TEX36: variants seen among roughly 807,000 people sequenced by gnomAD.
The protein encoded by TEX36 is testis-expressed protein 36.
A neutral mutation model predicts 13.6 loss-of-function variants in TEX36; 12 were observed. That is an observed-to-expected ratio of 0.88 (90% confidence interval 0.56 to 1.43). TEX36 has a LOEUF of 1.43. TEX36 is among the 40% of genes most tolerant of loss of function. The pLI, the probability that TEX36 is intolerant of heterozygous loss-of-function variation, is 0.00. For missense variants in TEX36, 224 were observed against 228.3 expected (o/e 0.98, Z 0.12); for synonymous variants, 93 against 83.0 (o/e 1.12, Z -0.65).
chr10:125,660,323 C>T lies in TEX36; in HGVS notation c.264+698G>A, dbSNP rs371550546. ...AATGTTTTGTAGACACGGGGTCTTA[C>T]TATGTAGCCCAGGCTGGTCTCAAGC... is the stretch of plus-strand genomic sequence containing the variant. On this transcript the variant is annotated intron_variant, in intron 3 of 3. Coordinates refer to ENST00000368821, the MANE Select transcript of TEX36 (RefSeq NM_001128202.3). 2.1e-3 allele frequency among the ~76,000 whole-genome samples: 321 copies of T among 152,204 alleles called. 1 individual carries two copies. Among genetic ancestry groups the T allele is most frequent in the African/African-American group, 7.5e-3 (312 of 41,532 alleles).
At chr10:125,583,705 T>C (rs191245272) in intron 3 of TEX36, among the ~76,000 whole-genome samples, 3 of 152,358 alleles carry the variant, frequency 2.0e-5, no homozygotes, top group Non-Finnish European at 2.9e-5. Flanking sequence ...AATGTTTTCC[T>C]TCAAGTCCAA....
intron 3 of TEX36, among the ~76,000 whole-genome samples, chr10:125,598,371 C>A (rs1846107037): frequency 6.6e-6 from 1 of 152,098 alleles, no homozygotes; most frequent in African/African-American, 2.4e-5. Context: ...TGATGGTAAC[C>A]CTGTCTGGGT....
At chr10:125,594,077 C>G (rs1160237614) in intron 3 of TEX36, among the ~76,000 whole-genome samples, 6 of 152,156 alleles carry the variant, frequency 3.9e-5, no homozygotes, top group Non-Finnish European at 4.4e-5. Context: ...GCTAGAGTCA[C>G]AAGCAACCTC....
At chr10:125,613,779 C>T (rs898283273) in intron 3 of TEX36, among the ~76,000 whole-genome samples, 1 of 152,050 alleles carries the variant, frequency 6.6e-6, no homozygotes, top group Admixed American at 6.6e-5. Flanking sequence ...GATTTATAGT[C>T]CTTTGGGTAT....
At chr10:125,618,964 A>AT, downstream of TEX36, among the ~76,000 whole-genome samples, 1 of 146,282 alleles carries the variant, frequency 6.8e-6, no homozygotes, top group Non-Finnish European at 1.5e-5. Context: ...AAAAAAAAAA[A>AT]AAAAAAATAC....
intron 3 of TEX36, among the ~76,000 whole-genome samples, chr10:125,631,316 A>G (rs1379003245): frequency 6.6e-6 from 1 of 152,166 alleles, no homozygotes; most frequent in Non-Finnish European, 1.5e-5. Flanking sequence ...GGTATTTAGG[A>G]ACACCAGCTG....
At chr10:125,579,906 AG>A (rs1207989147) in intron 3 of TEX36, among the ~76,000 whole-genome samples, 1 of 152,200 alleles carries the variant, frequency 6.6e-6, no homozygotes, top group African/African-American at 2.4e-5. Flanking sequence ...TAAATTACCT[AG>A]TCTCAGGTAG....
At chr10:125,659,541 T>C (rs1846998762) in intron 3 of TEX36, among the ~76,000 whole-genome samples, 1 of 152,216 alleles carries the variant, frequency 6.6e-6, no homozygotes, top group Non-Finnish European at 1.5e-5. Flanking sequence ...AAAACAATAT[T>C]AAGCACCCCA....
chr10:125,639,436 A>G (rs1342106761), intron 3 of TEX36, among the ~76,000 whole-genome samples: 1 of 152,150 alleles, frequency 6.6e-6, no homozygotes, highest in African/African-American at 2.4e-5. Flanking sequence ...CTTGTACCCC[A>G]GAAGCCAGCA....
At chr10:125,676,108 ACT>A (rs1236617285) in intron 1 of TEX36, among the ~76,000 whole-genome samples, 2 of 152,224 alleles carry the variant, frequency 1.3e-5, no homozygotes, top group Non-Finnish European at 2.9e-5. Context: ...GATAGAATGA[ACT>A]GTAAATGTCT....
intron 3 of TEX36, among the ~76,000 whole-genome samples, chr10:125,581,370 G>T (rs61873466): frequency 0.025 from 3,850 of 152,216 alleles, 55 homozygotes; most frequent in East Asian, 0.072. Context: ...TCACCACTCA[G>T]GCACATCTTC....
At chr10:125,664,726 G>A (rs1166187580) in intron 1 of TEX36, among the ~76,000 whole-genome samples, 1 of 152,176 alleles carries the variant, frequency 6.6e-6, no homozygotes, top group African/African-American at 2.4e-5. Flanking sequence ...ACAGAACTGT[G>A]AATCAATTAA....
intron 3 of TEX36, among the ~76,000 whole-genome samples, chr10:125,639,732 C>G (rs1253476789): frequency 2.0e-5 from 3 of 152,124 alleles, no homozygotes; most frequent in Non-Finnish European, 4.4e-5. Context: ...TGAAGTTATC[C>G]AACAGAGTCA....
At chr10:125,611,430 TTGTAATCCATG>T (rs1846288650) in intron 3 of TEX36, among the ~76,000 whole-genome samples, 1 of 152,250 alleles carries the variant, frequency 6.6e-6, no homozygotes, top group African/African-American at 2.4e-5. Flanking sequence ...CATGCTATTG[TTGTAATCCATG>T]TGTCTTTGAT....
At chr10:125,582,136 G>C (rs570514539) in intron 3 of TEX36, among the ~76,000 whole-genome samples, 9 of 152,344 alleles carry the variant, frequency 5.9e-5, no homozygotes, top group African/African-American at 1.9e-4. Flanking sequence ...CAAGGAACAT[G>C]CTCAGAGAGA....
At position 125,650,572 on chromosome 10, in the gene TEX36, A is replaced by T. The variant is rs1195543319; in HGVS notation, c.264+10449T>A. On this transcript the variant is annotated intron_variant, in intron 3 of 3. Transcript: ENST00000526819. The stretch of plus-strand genomic sequence containing the variant: ...AAAGATCTAAAATCGATACCCTAAC[A>T]TCATAATTAAAAGAACTAGAGAAGC... Among the ~76,000 whole-genome samples the T allele has an allele frequency of 2.0e-5, 3 of 152,190 alleles. No homozygotes were observed. In the East Asian group the frequency reaches 5.8e-4, roughly 29 times the overall value.
chr10:125,636,452 G>A (rs1589765371), intron 3 of TEX36, among the ~76,000 whole-genome samples: 1 of 151,760 alleles, frequency 6.6e-6, no homozygotes, highest in African/African-American at 2.4e-5. Context: ...CTGACCTCGT[G>A]ATCCACCTGC....
intron 3 of TEX36, among the ~76,000 whole-genome samples, chr10:125,637,305 T>C (rs940847775): frequency 2.0e-5 from 3 of 149,024 alleles, no homozygotes; most frequent in African/African-American, 7.4e-5. Flanking sequence ...TGAGACCCTG[T>C]CTCAAAAAAA....
At chr10:125,583,573 T>C (rs1473380623) in intron 3 of TEX36, among the ~76,000 whole-genome samples, 3 of 152,220 alleles carry the variant, frequency 2.0e-5, no homozygotes, top group African/African-American at 7.2e-5. Context: ...AACTTCTCAA[T>C]ACTATCATAC....
Sources: gnomAD v4.1 joint callset for allele counts (sites outside exome capture counted in the v4.1 genomes callset) on GRCh38, gnomAD v4.1.1 for gene constraint, MANE v1.5 for transcripts, NCBI Gene and HGNC (gene_info 2026-07-23, HGNC 2026-07-21) for gene names.